Variants in NLRP5 observed in about 807,000 individuals in gnomAD.
NLRP5 encodes NLR family pyrin domain containing 5, also known as NACHT, LRR and PYD domains-containing protein 5.
A neutral mutation model predicts 113.1 loss-of-function variants in NLRP5; 93 were observed. The ratio of observed to expected loss-of-function variants is 0.82; its 90% CI spans 0.70 to 0.98. NLRP5 has a LOEUF of 0.98. Ranked by LOEUF, NLRP5 falls within the 50% of genes least tolerant of loss-of-function variation. The pLI is 0.00. For synonymous variants in NLRP5, 751 were observed against 600.7 expected (o/e 1.25, Z -3.66); for missense variants, 1,808 against 1,514.3 (o/e 1.19, Z -3.22).
chr19:55,995,074 C>T (rs1491002233), upstream of NLRP5, among the ~76,000 whole-genome samples: 1 of 152,036 alleles, frequency 6.6e-6, no homozygotes, highest in African/African-American at 2.4e-5. Context: ...ATGGATGAAG[C>T]TGGAAACTAT....
At position 56,026,807 on chromosome 19, in the gene NLRP5, C is replaced by G. The variant is rs140799318; in HGVS notation, c.680-106C>G. On this transcript the variant is annotated intron_variant, in intron 6 of 14. Coordinates refer to ENST00000390649, the MANE Select transcript of NLRP5 (RefSeq NM_153447.4). ...ACCAGGCTGGTCTCAAACTCCTGAC[C>G]TCAGGTGATATGCCCATCTTGACCT... The G allele has an allele frequency of 1.0e-3, 1,192 of 1,185,750 alleles. 9 individuals carry two copies. In the African/African-American group the frequency reaches 0.015, roughly 15 times the overall value. The allele number at this position is 1,185,750 out of a possible 1,614,324, so 73.5% of individuals were successfully genotyped here.
intron 9 of NLRP5, among the ~76,000 whole-genome samples, chr19:56,036,753 T>C (rs534115373): frequency 6.6e-6 from 1 of 152,078 alleles, no homozygotes; most frequent in Non-Finnish European, 1.5e-5. Context: ...GGTCAGGAGA[T>C]CAAGACCAGC....
intron 7 of NLRP5, among the ~76,000 whole-genome samples, chr19:56,029,295 C>G (rs910834176): frequency 1.3e-5 from 2 of 152,140 alleles, no homozygotes; most frequent in Admixed American, 6.5e-5. Flanking sequence ...GAGACAGAGT[C>G]TCACTGTGTC....
At chr19:56,054,780 G>A (rs902180256) in intron 13 of NLRP5, among the ~76,000 whole-genome samples, 8 of 152,008 alleles carry the variant, frequency 5.3e-5, no homozygotes, top group Non-Finnish European at 1.2e-4. Context: ...GAATTGGTAT[G>A]GGGTTTCCTT....
chr19:56,058,163 G>A, intron 13 of NLRP5, 77 bp from the exon 14 acceptor site: 2 of 1,089,558 alleles, frequency 1.8e-6, no homozygotes, highest in South Asian at 2.0e-5. Flanking sequence ...AAAGTATCAA[G>A]GTGAAATTCA....
At chr19:56,009,915 CT>C (rs1982115886) in intron 3 of NLRP5, among the ~76,000 whole-genome samples, 1 of 152,212 alleles carries the variant, frequency 6.6e-6, no homozygotes, top group African/African-American at 2.4e-5. Flanking sequence ...AAAGGTTCTA[CT>C]TTGCTCAGAG....
At chr19:55,999,804 A>G (rs1452965770) in intron 1 of NLRP5, 1 of 1,603,566 alleles carries the variant, frequency 6.2e-7, no homozygotes, top group East Asian at 2.2e-5. Context: ...AGCCTCTTAG[A>G]GTTACCTATG....
intron 1 of NLRP5, among the ~76,000 whole-genome samples, chr19:56,001,038 T>G (rs1048289750): frequency 6.6e-6 from 1 of 151,452 alleles, no homozygotes. Context: ...ATATTCAAAT[T>G]TGGCTGGGCG....
chr19:56,041,189 A>G, intron 11 of NLRP5, 97 bp downstream of exon 11: 1 of 1,181,942 alleles, frequency 8.5e-7, no homozygotes, highest in Non-Finnish European at 1.2e-6. Context: ...GGGTGTGGAC[A>G]TCATCACATG....
chr19:56,019,029 C>T (rs1982512470), intron 4 of NLRP5, among the ~76,000 whole-genome samples: 1 of 152,106 alleles, frequency 6.6e-6, no homozygotes, highest in African/African-American at 2.4e-5. Flanking sequence ...CCCCTGACCT[C>T]TGGTGATCTG....
chr19:55,998,898 C>A (rs137942976), upstream of NLRP5, among the ~76,000 whole-genome samples: 2 of 151,278 alleles, frequency 1.3e-5, no homozygotes, highest in East Asian at 3.9e-4. Flanking sequence ...TGTCCATTGC[C>A]TTAGTTACTT....
rs372576171 is a variant in NLRP5, at chr19:56,003,706, C to T, written c.63-10C>T. ...CTACTTGAGAATTTGCTGCAAGATC[C>T]TCTTTTAAGTCTTGTCACTCTTTCC... On this transcript the variant is annotated splice_polypyrimidine_tract_variant and intron_variant, in intron 1 of 14. Transcript: ENST00000390649. The T allele has an allele frequency of 1.9e-6, 3 of 1,570,960 alleles. No homozygotes were observed. Among genetic ancestry groups the T allele is most frequent in the Non-Finnish European group, 2.6e-6 (3 of 1,160,578 alleles).
In NLRP5 at chr19:56,020,385, A is replaced by G; in HGVS notation, c.633A>G (p.Gln211=). 1 of 1,612,830 alleles carries G rather than the reference A, an allele frequency of 6.2e-7. No homozygotes were observed. Among genetic ancestry groups the G allele is most frequent in the Non-Finnish European group, 8.5e-7 (1 of 1,179,276 alleles). ...TTCATTCTTTTGCAGAAATTTCACA[A>G]GCTATGGAACAAGAAGGTGCCACAG... is the stretch of plus-strand genomic sequence containing the variant. Residue 211 remains glutamine, a synonymous_variant, in exon 6 of 15, where the codon CAA becomes CAG. Transcript: ENST00000390649.
At chr19:56,035,416 A>G (rs1268164887) in intron 9 of NLRP5, among the ~76,000 whole-genome samples, 2 of 152,250 alleles carry the variant, frequency 1.3e-5, no homozygotes, top group Non-Finnish European at 2.9e-5. Flanking sequence ...GCTGTGCCTG[A>G]CATCGTGTGG....
rs531325792 is a variant in NLRP5 at position 56,013,417 on chromosome 19, A to T, written c.509-2325A>T. The stretch of plus-strand genomic sequence containing the variant: ...CAGTGTTAGCCAAAATTGTCTCGAT[A>T]TCCTGACCTTGTGATCTGCCCACCT... On this transcript the variant is annotated intron_variant, in intron 3 of 14. Coordinates refer to ENST00000390649, the MANE Select transcript of NLRP5 (RefSeq NM_153447.4). Among the ~76,000 whole-genome samples, 38 of 151,814 alleles carry T rather than the reference A, an allele frequency of 2.5e-4. No individual in the cohort carries two copies. The South Asian group carries it at 7.9e-3, about 32-fold the overall frequency.
chr19:56,051,440 AC>A (rs1306189139), intron 12 of NLRP5, among the ~76,000 whole-genome samples: 2 of 151,816 alleles, frequency 1.3e-5, no homozygotes, highest in Non-Finnish European at 2.9e-5. Context: ...CAATCCACCC[AC>A]TTTGGCCTCC....
At chr19:56,014,629 A>ACTT (rs1280930635) in intron 3 of NLRP5, among the ~76,000 whole-genome samples, 1 of 152,162 alleles carries the variant, frequency 6.6e-6, no homozygotes, top group Non-Finnish European at 1.5e-5. Context: ...AGAGGGTTCA[A>ACTT]CTTCATCCTT....
intron 3 of NLRP5, among the ~76,000 whole-genome samples, chr19:56,010,473 G>A (rs1053503491): frequency 2.6e-5 from 4 of 151,960 alleles, no homozygotes; most frequent in Non-Finnish European, 4.4e-5. Context: ...GGCTGGGCGC[G>A]GTGGCTCACG....
In NLRP5 at chr19:56,019,664, C is replaced by A. The variant is rs199475768; in HGVS notation, c.622+266C>A. On this transcript the variant is annotated intron_variant, in intron 5 of 14. Transcript: ENST00000390649. Reference sequence around the variant, plus strand: ...TCTAGGGGACTCGAATCAATCACAACTTTGTTTGATGGATGTTAAACATAT... The same window carrying A: ...TCTAGGGGACTCGAATCAATCACAAATTTGTTTGATGGATGTTAAACATAT... 1.3e-3 allele frequency among the ~76,000 whole-genome samples: 195 copies of A among 152,204 alleles called. 1 individual carries two copies. In the East Asian group the frequency reaches 0.034, roughly 26 times the overall value.
Sources: allele counts gnomAD v4.1 joint callset (sites outside exome capture counted in the v4.1 genomes callset), GRCh38; gene constraint gnomAD v4.1.1; transcripts MANE v1.5; gene names NCBI Gene and HGNC (gene_info 2026-07-23, HGNC 2026-07-21).